Variants in MTBP observed in about 807,000 individuals in gnomAD.
MTBP encodes MDM2 binding protein, also known as mdm2-binding protein.
Under a neutral mutation model 117.0 loss-of-function variants are expected in MTBP, and 101 were observed. That is an observed-to-expected ratio of 0.86 (90% CI 0.73 to 1.02). The LOEUF is 1.02. Among genes scored for constraint, MTBP ranks in the 50% least tolerant of loss-of-function variants. MTBP has a pLI of 0.00. For synonymous variants in MTBP, 350 were observed against 351.5 expected (o/e 1.00, Z 0.05); for missense variants, 970 against 1,030.9 (o/e 0.94, Z 0.81).
At chr8:120,474,853 T>A (rs1813898791) in intron 11 of MTBP, among the ~76,000 whole-genome samples, 1 of 151,962 alleles carries the variant, frequency 6.6e-6, no homozygotes, top group South Asian at 2.1e-4. Flanking sequence ...TATTTAGTAG[T>A]CACTGACTAG....
chr8:120,448,284 T>A (rs1176061472), intron 2 of MTBP, among the ~76,000 whole-genome samples: 6 of 152,222 alleles, frequency 3.9e-5, no homozygotes, highest in Admixed American at 3.3e-4. Context: ...TTAAGGTTTT[T>A]GCTAGCCTCA....
chr8:120,509,808 C>A, intron 16 of MTBP, 126 bp from the exon 17 acceptor site: 1 of 627,722 alleles, frequency 1.6e-6, no homozygotes, highest in Non-Finnish European at 2.8e-6. Context: ...TGTGCCTTAA[C>A]CTTTGTCCCA....
At chr8:120,470,752 G>A (rs2130547506) in intron 10 of MTBP, 68 bp from the exon 11 acceptor site, 1 of 1,141,470 alleles carries the variant, frequency 8.8e-7, no homozygotes, top group Admixed American at 2.0e-5. Context: ...GTGGAAAATT[G>A]TCAACTGGCA....
At chr8:120,464,907 A>G (rs1352504817) in intron 10 of MTBP, among the ~76,000 whole-genome samples, 1 of 152,102 alleles carries the variant, frequency 6.6e-6, no homozygotes, top group Non-Finnish European at 1.5e-5. Flanking sequence ...AAGCTTCTGT[A>G]TTTGTGGAAC....
intron 10 of MTBP, among the ~76,000 whole-genome samples, chr8:120,465,628 G>C (rs1331210672): frequency 6.7e-6 from 1 of 149,038 alleles, no homozygotes; most frequent in Non-Finnish European, 1.5e-5. Flanking sequence ...AAATTTTACA[G>C]AGAAATTTGT....
At chr8:120,447,610 T>C (rs1813255606) in intron 2 of MTBP, among the ~76,000 whole-genome samples, 1 of 152,182 alleles carries the variant, frequency 6.6e-6, no homozygotes, top group African/African-American at 2.4e-5. Flanking sequence ...CCTAATATAA[T>C]CAATGAGAAA....
At chr8:120,514,452 A>G (rs1563806085) in intron 17 of MTBP, among the ~76,000 whole-genome samples, 1 of 152,046 alleles carries the variant, frequency 6.6e-6, no homozygotes, top group Non-Finnish European at 1.5e-5. Flanking sequence ...CAGATTTTTA[A>G]AACTGTCAAA....
At chr8:120,452,664 A>G (rs1460595009) in intron 4 of MTBP, 1 of 151,980 alleles carries the variant, frequency 6.6e-6, no homozygotes, top group Admixed American at 6.6e-5. Flanking sequence ...CCCCTTTTCT[A>G]CTGAAAATAG....
chr8:120,461,345 T>C (rs559136374), intron 9 of MTBP, 90 bp downstream of exon 9: 7 of 871,074 alleles, frequency 8.0e-6, no homozygotes, highest in Middle Eastern at 2.3e-4. Context: ...ACATGTTAGG[T>C]ATATCTTTTT....
At chr8:120,456,200 G>A (rs1813464819) in intron 6 of MTBP, among the ~76,000 whole-genome samples, 2 of 152,110 alleles carry the variant, frequency 1.3e-5, no homozygotes, top group South Asian at 2.1e-4. Flanking sequence ...ATGCAAAGAT[G>A]TATGGGAACA....
chr8:120,467,367 C>T (rs1373760569), intron 10 of MTBP, among the ~76,000 whole-genome samples: 1 of 152,192 alleles, frequency 6.6e-6, no homozygotes, highest in Non-Finnish European at 1.5e-5. Context: ...GTAATCCCAC[C>T]ACTTTGGGAG....
At chr8:120,447,499 G>T (rs905264501) in intron 2 of MTBP, among the ~76,000 whole-genome samples, 1 of 152,042 alleles carries the variant, frequency 6.6e-6, no homozygotes, top group Non-Finnish European at 1.5e-5. Flanking sequence ...GGGTTCTCAT[G>T]ATAAATTTTA....
At chr8:120,459,190 C>T in intron 7 of MTBP, 25 bp from the exon 8 acceptor site, 2 of 1,589,254 alleles carry the variant, frequency 1.3e-6, no homozygotes, top group Non-Finnish European at 1.7e-6. Flanking sequence ...ATACTTGTAA[C>T]TGTGTTTTCT....
intron 7 of MTBP, among the ~76,000 whole-genome samples, chr8:120,458,088 A>T (rs1813508753): frequency 6.6e-6 from 1 of 152,090 alleles, no homozygotes; most frequent in Non-Finnish European, 1.5e-5. Context: ...TTTTCATGTG[A>T]TTCTTTTATT....
intron 4 of MTBP, among the ~76,000 whole-genome samples, chr8:120,453,232 C>G (rs962794512): frequency 1.3e-5 from 2 of 152,114 alleles, no homozygotes; most frequent in Non-Finnish European, 2.9e-5. Context: ...AGACGGATAA[C>G]CTGAGCCCAG....
chr8:120,453,366 G>T (rs1276683049), intron 4 of MTBP, among the ~76,000 whole-genome samples: 1 of 152,116 alleles, frequency 6.6e-6, no homozygotes, highest in East Asian at 1.9e-4. Context: ...AGGACCTCCT[G>T]AACCTGGGGG....
At chr8:120,464,643 A>C (rs926136493) in intron 10 of MTBP, among the ~76,000 whole-genome samples, 2 of 152,044 alleles carry the variant, frequency 1.3e-5, no homozygotes, top group Non-Finnish European at 2.9e-5. Context: ...ATATTTGACT[A>C]TATAGTAACT....
intron 11 of MTBP, among the ~76,000 whole-genome samples, chr8:120,486,097 C>T (rs905626114): frequency 2.6e-5 from 4 of 152,120 alleles, no homozygotes; most frequent in African/African-American, 7.2e-5. Flanking sequence ...GGCCATTCTT[C>T]GATTTGAATT....
intron 14 of MTBP, among the ~76,000 whole-genome samples, chr8:120,501,727 G>T (rs1271853594): frequency 6.6e-6 from 1 of 152,074 alleles, no homozygotes; most frequent in Admixed American, 6.5e-5. Flanking sequence ...AGATAGTTTT[G>T]CAATCCAAAA....
Sources: allele counts gnomAD v4.1 joint callset (sites outside exome capture counted in the v4.1 genomes callset), GRCh38; gene constraint gnomAD v4.1.1; transcripts MANE v1.5; gene names NCBI Gene and HGNC (gene_info 2026-07-23, HGNC 2026-07-21).